The following GNAS variants were observed in gnomAD, a reference collection of about 807,000 sequenced individuals.
GNAS encodes GNAS complex locus.
A neutral mutation model predicts 54.5 loss-of-function variants in GNAS; 8 were observed. The ratio of observed to expected loss-of-function variants is 0.15; its 90% CI spans 0.09 to 0.26. The LOEUF (loss-of-function observed/expected upper bound fraction) is 0.26, where lower values mean the gene tolerates loss of function less well. Ranked by LOEUF, GNAS falls within the 10% of genes least tolerant of loss-of-function variation. The probability of loss-of-function intolerance (pLI) is 1.00; values close to 1 mark genes in which losing one functional copy is unlikely to be tolerated. For synonymous variants in GNAS, 204 were observed against 191.4 expected (o/e 1.07, Z -0.54); for missense variants, 170 against 529.8 (o/e 0.32, Z 6.67).
rs1465162100 is a variant in GNAS at position 58,891,673 on chromosome 20, C to G, written c.-54C>G. On this transcript the variant is annotated 5_prime_UTR_variant, in exon 1 of 13. Transcript: ENST00000371085. ...GGCCCTCCCGGCCCGCGTGAGGCCG[C>G]CCGCGCCCGCCGCCGCCGCAGCCCG... 22 of 973,620 alleles carry G rather than the reference C, an allele frequency of 2.3e-5. No individual in the cohort carries two copies. Among genetic ancestry groups the G allele is most frequent in the South Asian group, 4.6e-5 (1 of 21,754 alleles). The allele number at this position is 973,620 out of a possible 1,614,324, so 60.3% of individuals were successfully genotyped here.
intron 1 of GNAS, among the ~76,000 whole-genome samples, chr20:58,880,897 C>T (rs2088186153): frequency 6.6e-6 from 1 of 152,142 alleles, no homozygotes; most frequent in African/African-American, 2.4e-5. Context: ...TCTGCCTCCC[C>T]ACCCAATAAA....
At chr20:58,900,071 A>C in intron 3 of GNAS, 120 of 247,906 alleles carry the variant, frequency 4.8e-4, no homozygotes, top group East Asian at 7.6e-4. Flanking sequence ...CTGTTATCTG[A>C]GGGGGGAGGG....
chr20:58,871,929 G>A (rs1017982865), intron 1 of GNAS, among the ~76,000 whole-genome samples: 1 of 152,192 alleles, frequency 6.6e-6, no homozygotes, highest in African/African-American at 2.4e-5. Context: ...GCCAAGGAGG[G>A]TGTGGCTGGC....
At chr20:58,864,943 ACAC>A (rs1254174149) in intron 1 of GNAS, among the ~76,000 whole-genome samples, 1 of 151,588 alleles carries the variant, frequency 6.6e-6, no homozygotes, top group African/African-American at 2.4e-5. Context: ...ACACACACAC[ACAC>A]ACACACACAC....
chr20:58,886,659 G>GAA (rs111266946), upstream of GNAS, among the ~76,000 whole-genome samples: 7 of 147,538 alleles, frequency 4.7e-5, no homozygotes, highest in African/African-American at 1.2e-4. Flanking sequence ...TAAAAGACTT[G>GAA]AAAAAAAAAA....
At chr20:58,840,291 G>A, upstream of GNAS, 3 of 1,612,530 alleles carry the variant, frequency 1.9e-6, no homozygotes, top group Non-Finnish European at 2.5e-6. This position sits in a 1 kb window ranked among gnomAD's most constrained non-coding sequence, Gnocchi z 6.0. Flanking sequence ...CAACAGCGCC[G>A]GAGCTTCCTT....
chr20:58,901,898 C>G (rs2090640907), intron 3 of GNAS, among the ~76,000 whole-genome samples: 1 of 143,010 alleles, frequency 7.0e-6, no homozygotes, highest in Non-Finnish European at 1.5e-5. Context: ...CTCGTCTGCT[C>G]TTGCTAATTA....
rs748602195 is a variant in GNAS, at chr20:58,910,858, C to A, written c.*29C>A. The A allele has an allele frequency of 6.2e-7, 1 of 1,601,936 alleles. No individual in the cohort carries two copies. The highest frequency in any genetic ancestry group is 1.7e-5 in the Admixed American group (1 of 60,012). On this transcript the variant is annotated 3_prime_UTR_variant, in exon 13 of 13. Coordinates refer to ENST00000371085, the MANE Select transcript of GNAS (RefSeq NM_000516.7). This position sits in a 1 kb window ranked among gnomAD's most constrained non-coding sequence, Gnocchi z 5.8. ...GGGAACCCCCAAATTTAATTAAAGC[C>A]TTAAGCACAATTAATTAAAAGTGAA...
chr20:58,858,237 C>G (rs866295644), intron 1 of GNAS, among the ~76,000 whole-genome samples: 5 of 152,244 alleles, frequency 3.3e-5, no homozygotes, highest in East Asian at 1.9e-4. Context: ...AAATGGCTGT[C>G]CTTTGATATG....
chr20:58,852,983 G>A, intron 1 of GNAS: 1 of 1,224,394 alleles, frequency 8.2e-7, no homozygotes, highest in Non-Finnish European at 1.0e-6. Flanking sequence ...AGGGCGTAAG[G>A]ATAGACCAAG....
intron 1 of GNAS, among the ~76,000 whole-genome samples, chr20:58,843,557 G>A (rs1000694280): frequency 1.3e-5 from 2 of 152,184 alleles, no homozygotes; most frequent in African/African-American, 4.8e-5. Flanking sequence ...TGAGGTCTGC[G>A]GGGTGAGGAT....
upstream of GNAS, chr20:58,840,257 C>A (rs775901436): frequency 1.2e-6 from 2 of 1,611,510 alleles, no homozygotes; most frequent in African/African-American, 1.3e-5. The surrounding 1 kb of genome is among the most constrained non-coding windows in gnomAD (Gnocchi z 6.0). Flanking sequence ...CTCCAACGCC[C>A]GTGCCCAGCA....
At chr20:58,876,596 A>T (rs1358323544) in intron 1 of GNAS, 1 of 152,158 alleles carries the variant, frequency 6.6e-6, no homozygotes, top group East Asian at 1.9e-4. Context: ...ATCGAATTAT[A>T]TAAGTTACAG....
chr20:58,905,510 C>A (rs1482777345), intron 6 of GNAS, 30 bp downstream of exon 6: 2 of 1,121,186 alleles, frequency 1.8e-6, no homozygotes, highest in Non-Finnish European at 1.4e-6. Flanking sequence ...CCCATCAGCA[C>A]ATAAAACAGA....
chr20:58,910,551 C>A lies in GNAS; in HGVS notation c.1039-132C>A. The A allele has an allele frequency of 8.1e-7, 1 of 1,229,378 alleles. No homozygotes were observed. The highest frequency in any genetic ancestry group is 1.2e-6 in the Non-Finnish European group (1 of 842,156). The allele number at this position is 1,229,378 out of a possible 1,614,324, so 76.2% of individuals were successfully genotyped here. A position where few individuals can be genotyped will look rare whatever the true frequency, so the allele number is the denominator to read the frequency against. ...CAGTGTGGATTTGAGCTCTTTGCGC[C>A]CCTCTTTTTGCTTTTGTTTTCATAT... On this transcript the variant is annotated intron_variant, in intron 12 of 12. Transcript: ENST00000371085. This position sits in a 1 kb window ranked among gnomAD's most constrained non-coding sequence, Gnocchi z 5.8.
At chr20:58,849,418 C>T (rs1444441336) in intron 1 of GNAS, among the ~76,000 whole-genome samples, 1 of 152,178 alleles carries the variant, frequency 6.6e-6, no homozygotes, top group African/African-American at 2.4e-5. Context: ...AAATGTATTT[C>T]TCCCCTAAAG....
intron 1 of GNAS, chr20:58,864,262 G>A (rs1002003653): frequency 2.6e-5 from 4 of 152,196 alleles, no homozygotes; most frequent in African/African-American, 4.8e-5. Flanking sequence ...ATCTGTGTCC[G>A]AGGGATTTAA....
chr20:58,877,881 A>G (rs1414117369), intron 1 of GNAS, among the ~76,000 whole-genome samples: 1 of 152,196 alleles, frequency 6.6e-6, no homozygotes, highest in Admixed American at 6.5e-5. Context: ...AGAAAGAGAT[A>G]TAAGTGAACC....
intron 1 of GNAS, among the ~76,000 whole-genome samples, chr20:58,872,764 G>C (rs1277279687): frequency 3.3e-5 from 5 of 152,022 alleles, no homozygotes; most frequent in Non-Finnish European, 7.3e-5. Flanking sequence ...GGCAGAGAGA[G>C]AACATCACAG....
Sources: allele counts gnomAD v4.1 joint callset (sites outside exome capture counted in the v4.1 genomes callset), GRCh38; gene constraint gnomAD v4.1.1; non-coding constraint Gnocchi (gnomAD v3.1); transcripts MANE v1.5; gene names NCBI Gene and HGNC (gene_info 2026-07-23, HGNC 2026-07-21).